Variants in MYO5C observed in about 807,000 individuals in gnomAD.
MYO5C encodes myosin VC, also known as unconventional myosin-Vc.
A neutral mutation model predicts 235.7 loss-of-function variants in MYO5C; 194 were observed. The observed-to-expected ratio is 0.82, with a 90% CI of 0.73 to 0.93. MYO5C has a LOEUF of 0.93. Among genes scored for constraint, MYO5C ranks in the 40% least tolerant of loss-of-function variants. The pLI is 0.00. For missense variants in MYO5C, 2,038 were observed against 2,127.2 expected (o/e 0.96, Z 0.82); for synonymous variants, 707 against 754.8 (o/e 0.94, Z 1.04).
In MYO5C at chr15:52,278,505, A is replaced by T. The variant is rs548516763; in HGVS notation, c.449+368T>A. Among the ~76,000 whole-genome samples, 45 of 151,696 alleles carry T rather than the reference A, an allele frequency of 3.0e-4. No homozygotes were observed. The South Asian group carries it at 4.6e-3, about 16-fold the overall frequency. On this transcript the variant is annotated intron_variant, in intron 4 of 40. Coordinates refer to ENST00000261839, the MANE Select transcript of MYO5C (RefSeq NM_018728.4). ...CACCTAAAACCTCCTGCAGCTAAAA[A>T]CCCTGTCATCAGATCCTACTTCCTG...
chr15:52,225,518 G>T lies in MYO5C; in HGVS notation c.3222C>A (p.Phe1074Leu), dbSNP rs773376914. 2.5e-6 allele frequency: 4 copies of T among 1,611,488 alleles called. No homozygotes were observed. Among genetic ancestry groups the T allele is most frequent in the South Asian group, 2.2e-5 (2 of 90,958 alleles). Reference sequence around the variant, plus strand: ...CCTGAAGTAGTTCTATCTCTTTTTCGAACTCAGAGATTGTCTGAATCACAG... The same window carrying T: ...CCTGAAGTAGTTCTATCTCTTTTTCTAACTCAGAGATTGTCTGAATCACAG... ...LSKQVKTISE[F>L]EKEIELLQAQ... The change falls in exon 26 of 41, where the codon TTC (phenylalanine) becomes TTA (leucine). Residue 1074 changes from phenylalanine to leucine, a missense_variant. Physicochemically the swap from Phe to Leu is conservative, Grantham distance 22. Coordinates refer to ENST00000261839, the MANE Select transcript of MYO5C (RefSeq NM_018728.4).
At chr15:52,249,226 C>T (rs980089979) in intron 13 of MYO5C, among the ~76,000 whole-genome samples, 1 of 152,208 alleles carries the variant, frequency 6.6e-6, no homozygotes, top group African/African-American at 2.4e-5. Flanking sequence ...CAGCTGACCA[C>T]CAAGCCTTCA....
chr15:52,196,197 G>A (rs553030418), intron 39 of MYO5C, 112 bp downstream of exon 39: 51 of 1,003,418 alleles, frequency 5.1e-5, no homozygotes, highest in Non-Finnish European at 6.8e-5. Flanking sequence ...GTATGCTCCC[G>A]AGAGTACACA....
intron 39 of MYO5C, 138 bp downstream of exon 39, chr15:52,196,171 G>A: frequency 1.6e-6 from 1 of 630,870 alleles, no homozygotes; most frequent in African/African-American, 1.8e-5. Context: ...ATAAAAGGGT[G>A]GGCCATGGGT....
chr15:52,230,784 G>GT (rs2035932514), intron 24 of MYO5C, among the ~76,000 whole-genome samples: 1 of 149,058 alleles, frequency 6.7e-6, no homozygotes, highest in Non-Finnish European at 1.5e-5. Context: ...CAAGAGACCA[G>GT]TAAAATGCCT....
intron 31 of MYO5C, 88 bp from the exon 32 acceptor site, chr15:52,218,775 A>G: frequency 7.1e-7 from 1 of 1,400,174 alleles, no homozygotes; most frequent in Non-Finnish European, 9.8e-7. Flanking sequence ...ATATTTCCAA[A>G]GATGGAAGAA....
rs769406444 is a variant in MYO5C, at chr15:52,247,463, T to C, written c.1876A>G (p.Ser626Gly). 6.2e-7 allele frequency: 1 copy of C among 1,614,152 alleles called. No homozygotes were observed. Among genetic ancestry groups the C allele is most frequent in the East Asian group, 2.2e-5 (1 of 44,888 alleles). Reference sequence around the variant, plus strand: ...CTCAAACACCTTCTCAGTACCTTGCTCCCAACTGTGGTCCGGAAATGCTTG... The same window carrying C: ...CTCAAACACCTTCTCAGTACCTTGCCCCCAACTGTGGTCCGGAAATGCTTG... ...NSKHFRTTVG[S>G]KFRSSLYLLM... Residue 626 changes from serine to glycine, a missense_variant, in exon 15 of 41, where the codon AGC (serine) becomes GGC (glycine). Ser to Gly is a moderately conservative substitution (Grantham distance 56, BLOSUM62 0). Transcript: ENST00000261839.
intron 1 of MYO5C, among the ~76,000 whole-genome samples, chr15:52,292,702 T>C (rs1028707374): frequency 6.6e-6 from 1 of 152,220 alleles, no homozygotes; most frequent in African/African-American, 2.4e-5. Context: ...TCTTGGTCAA[T>C]AGTGGAGACA....
chr15:52,218,492 T>G (rs750694723), intron 32 of MYO5C, 27 bp downstream of exon 32: 1 of 1,611,396 alleles, frequency 6.2e-7, no homozygotes, highest in Non-Finnish European at 8.5e-7. Flanking sequence ...CAGACAGTCT[T>G]TATCACCAAG....
intron 1 of MYO5C, among the ~76,000 whole-genome samples, chr15:52,287,276 C>T (rs1008782362): frequency 1.2e-4 from 18 of 152,104 alleles, no homozygotes; most frequent in African/African-American, 3.6e-4. Context: ...GCAGATAGGA[C>T]GATGGAGGCC....
chr15:52,267,646 A>G (rs1304325361), intron 8 of MYO5C, among the ~76,000 whole-genome samples: 1 of 152,214 alleles, frequency 6.6e-6, no homozygotes, highest in Non-Finnish European at 1.5e-5. Flanking sequence ...AGACTGCACC[A>G]TTGTACCCCA....
rs142530206 is a variant in MYO5C, at chr15:52,232,611, A to G, written c.3026+11T>C. The G allele has an allele frequency of 6.2e-7, 1 of 1,613,334 alleles. No homozygotes were observed. The highest frequency in any genetic ancestry group is 8.5e-7 in the Non-Finnish European group (1 of 1,179,436). On this transcript the variant is annotated intron_variant, in intron 24 of 40. Coordinates refer to ENST00000261839, the MANE Select transcript of MYO5C (RefSeq NM_018728.4). Reference sequence around the variant, plus strand: ...AAAGAAAGTAGCTTTAAGGCAAACTAGATTCCATACATTCTTTGCCGTTCT... The same window carrying G: ...AAAGAAAGTAGCTTTAAGGCAAACTGGATTCCATACATTCTTTGCCGTTCT...
chr15:52,267,029 G>A (rs1425235479), intron 8 of MYO5C, among the ~76,000 whole-genome samples: 1 of 152,214 alleles, frequency 6.6e-6, no homozygotes, highest in Non-Finnish European at 1.5e-5. Context: ...AGTGTCCAGG[G>A]CCAACCCGGC....
At chr15:52,221,674 G>A (rs2035691079) in intron 29 of MYO5C, among the ~76,000 whole-genome samples, 1 of 152,200 alleles carries the variant, frequency 6.6e-6, no homozygotes, top group South Asian at 2.1e-4. Context: ...TGCTCTGTTA[G>A]TGGAGGTCTG....
intron 28 of MYO5C, among the ~76,000 whole-genome samples, chr15:52,224,386 CTAATG>C (rs2035772949): frequency 6.6e-6 from 1 of 152,164 alleles, no homozygotes; most frequent in Non-Finnish European, 1.5e-5. Flanking sequence ...AGAGTGAACT[CTAATG>C]TAAACTATAG....
At chr15:52,199,326 G>T (rs916159956) in intron 38 of MYO5C, among the ~76,000 whole-genome samples, 1 of 152,212 alleles carries the variant, frequency 6.6e-6, no homozygotes, top group Non-Finnish European at 1.5e-5. Context: ...ACTCAAAGAT[G>T]TGTGGTGGGT....
intron 1 of MYO5C, among the ~76,000 whole-genome samples, chr15:52,289,774 C>T (rs1477799005): frequency 6.6e-6 from 1 of 152,210 alleles, no homozygotes; most frequent in African/African-American, 2.4e-5. Context: ...AATCAACCCC[C>T]ACATGGGTTT....
intron 39 of MYO5C, 36 bp downstream of exon 39, chr15:52,196,273 G>C: frequency 1.3e-6 from 2 of 1,553,620 alleles, no homozygotes; most frequent in Non-Finnish European, 1.7e-6. Context: ...GATGTGTCAG[G>C]GAAGAGCCAG....
chr15:52,248,601 CA>C, intron 14 of MYO5C, 98 bp downstream of exon 14: 3 of 867,200 alleles, frequency 3.5e-6, no homozygotes, highest in Non-Finnish European at 5.6e-6. Flanking sequence ...CACACACACA[CA>C]CACACTCTCT....
Sources: gnomAD v4.1 joint callset for allele counts (sites outside exome capture counted in the v4.1 genomes callset) on GRCh38, gnomAD v4.1.1 for gene constraint, MANE v1.5 for transcripts, NCBI Gene and HGNC (gene_info 2026-07-23, HGNC 2026-07-21) for gene names.